Variants in SLC35A2 observed in about 807,000 individuals in gnomAD.
SLC35A2 encodes the protein UDP-galactose translocator.
A neutral mutation model predicts 17.3 loss-of-function variants in SLC35A2; 1 was observed. The observed-to-expected ratio is 0.06, with a 90% confidence interval of 0.02 to 0.27. The LOEUF is 0.27. Among genes scored for constraint, SLC35A2 ranks in the 10% least tolerant of loss-of-function variants. SLC35A2 has a pLI of 1.00. For missense variants in SLC35A2, 191 were observed against 339.3 expected (o/e 0.56, Z 3.43); for synonymous variants, 161 against 161.3 (o/e 1.00, Z 0.01).
chrX:48,906,814 C>T (rs1044288596), intron 2 of SLC35A2, among the ~76,000 whole-genome samples: 3 of 112,490 alleles, frequency 2.7e-5, no homozygotes, highest in Admixed American at 9.4e-5. Flanking sequence ...AGCCTACCTC[C>T]CTGGCAGAGA....
In SLC35A2 at chrX:48,910,650, A is replaced by G. The variant is rs1227491649; in HGVS notation, c.92-654T>C. Among the ~76,000 whole-genome samples, 4 of 111,070 alleles carry G rather than the reference A, an allele frequency of 3.6e-5. No individual in the cohort carries two copies. The Admixed American group carries it at 3.8e-4, about 11-fold the overall frequency. Reference sequence around the variant, plus strand: ...TTCCCTCACACTGAGAATGGCCTACATCCCATATGGAATGATCCTCCTCAT... The same window carrying G: ...TTCCCTCACACTGAGAATGGCCTACGTCCCATATGGAATGATCCTCCTCAT... On this transcript the variant is annotated intron_variant, in intron 1 of 4. Coordinates refer to ENST00000247138, the MANE Select transcript of SLC35A2 (RefSeq NM_005660.3).
At chrX:48,906,057 G>A (rs1305364821) in intron 3 of SLC35A2, 9 of 397,222 alleles carry the variant, frequency 2.3e-5, no homozygotes, top group Non-Finnish European at 2.6e-5. Context: ...AGGTAGCAGA[G>A]CTGAGATTTG....
intron 3 of SLC35A2, 105 bp from the exon 4 acceptor site, chrX:48,905,587 G>A: frequency 1.3e-6 from 1 of 787,326 alleles, no homozygotes; most frequent in Admixed American, 4.3e-5. Flanking sequence ...GGAGGGACAG[G>A]GTGGGGGGTA....
At chrX:48,909,682 A>G (rs1005983472) in intron 2 of SLC35A2, 132 bp downstream of exon 2, 11 of 563,146 alleles carry the variant, frequency 2.0e-5, no homozygotes, top group Non-Finnish European at 3.1e-5. Context: ...GCCGCTACGC[A>G]TAGCTGGAGT....
At chrX:48,908,571 C>T (rs1557043456) in intron 2 of SLC35A2, among the ~76,000 whole-genome samples, 1 of 111,616 alleles carries the variant, frequency 9.0e-6, no homozygotes, top group African/African-American at 3.3e-5. Context: ...AAAAAAATTC[C>T]GGGCAGGGGA....
intron 2 of SLC35A2, 105 bp from the exon 3 acceptor site, chrX:48,906,648 C>A: frequency 1.4e-6 from 1 of 705,969 alleles, no homozygotes; most frequent in Admixed American, 2.8e-5. Flanking sequence ...ATCCACCCTG[C>A]TGTCCAATCC....
chrX:48,909,266 C>CA (rs1469180160), intron 2 of SLC35A2, among the ~76,000 whole-genome samples: 1 of 112,298 alleles, frequency 8.9e-6, no homozygotes, highest in East Asian at 2.8e-4. Flanking sequence ...ACTAAAAATA[C>CA]AAAAAAATTA....
Position 48,909,899 on chromosome X carries a change from G to T in SLC35A2, c.189C>A (p.Asp63Glu). 3 of 1,210,421 alleles carry T rather than the reference G, an allele frequency of 2.5e-6. No individual in the cohort carries two copies. The highest frequency in any genetic ancestry group is 3.4e-6 in the Non-Finnish European group (3 of 894,639). ...CCACAGCAGTGGTGGCAAAGAAGCGGTCCCCTGGCAACGTGCGGGCGTAGC... is the reference window on the plus strand; with the variant it reads ...CCACAGCAGTGGTGGCAAAGAAGCGTTCCCCTGGCAACGTGCGGGCGTAGC... ...SIRYARTLPG[D>E]RFFATTAVVM... The change falls in exon 2 of 5, where the codon GAC (aspartate) becomes GAA (glutamate). Residue 63 changes from aspartate to glutamate, a missense_variant. By Grantham distance (45) the Asp-to-Glu change is conservative (BLOSUM62 2). Around this residue, in one of 2 missense-constraint regions of SLC35A2, gnomAD observed 164 missense variants for 315.3 expected, o/e 0.52. Coordinates refer to ENST00000247138, the MANE Select transcript of SLC35A2 (RefSeq NM_005660.3).
At chrX:48,905,530 C>T (rs782486167) in intron 3 of SLC35A2, 48 bp from the exon 4 acceptor site, 2 of 1,081,802 alleles carry the variant, frequency 1.8e-6, no homozygotes, top group Non-Finnish European at 2.4e-6. Context: ...TGGCCCCCAA[C>T]AGGTGCACAT....
intron 1 of SLC35A2, chrX:48,910,219 T>G (rs2063522366): frequency 2.7e-6 from 3 of 1,114,265 alleles, no homozygotes; most frequent in Admixed American, 2.6e-5. Context: ...GGCCCCACCC[T>G]GTCCCAGTCC....
At chrX:48,903,780 A>C (rs1557042267) in intron 4 of SLC35A2, 1 of 898,978 alleles carries the variant, frequency 1.1e-6, no homozygotes, top group Non-Finnish European at 1.4e-6. Flanking sequence ...GCACACACAC[A>C]CCCCGCCCCG....
At chrX:48,910,278 T>C in intron 1 of SLC35A2, 1 of 1,146,603 alleles carries the variant, frequency 8.7e-7, no homozygotes, top group Non-Finnish European at 1.2e-6. Context: ...AGGCAAACCC[T>C]GGCCACGCGC....
chrX:48,906,202 C>T (rs782137907), intron 3 of SLC35A2, 190 bp downstream of exon 3: 4 of 470,563 alleles, frequency 8.5e-6, no homozygotes, highest in Non-Finnish European at 1.5e-5. Context: ...CCTAGCATCT[C>T]AGTGAACAGG....
chrX:48,904,089 G>A (rs1158679675), intron 4 of SLC35A2: 5 of 761,012 alleles, frequency 6.6e-6, no homozygotes, highest in Non-Finnish European at 7.8e-6. Context: ...AAAACAAATG[G>A]CCCCTACCAC....
rs934788672 is a variant in SLC35A2 at position 48,904,406 on chromosome X, C to T, written c.1163+340G>A. The T allele has an allele frequency of 5.5e-6, 6 of 1,084,272 alleles. No homozygotes were observed. In the African/African-American group the frequency reaches 9.5e-5, roughly 17 times the overall value. 89.4% of individuals were successfully genotyped at this position (1,084,272 alleles called of 1,213,427 possible). ...CAGACGAGAAACCTCCAGAAGAGGG[C>T]ACAGGGTCGGGGAGGGAGCAGACAA... On this transcript the variant is annotated intron_variant, in intron 4 of 4. Coordinates refer to ENST00000247138, the MANE Select transcript of SLC35A2 (RefSeq NM_005660.3).
At position 48,905,320 on chromosome X, in the gene SLC35A2, G is replaced by C. The variant is rs2063482318; in HGVS notation, c.589C>G (p.Gln197Glu). The C allele has an allele frequency of 1.7e-6, 2 of 1,186,510 alleles. No homozygotes were observed. The highest frequency in any genetic ancestry group is 1.1e-6 in the Non-Finnish European group (1 of 882,627). Residue 197 changes from glutamine to glutamate, a missense_variant, in exon 4 of 5, where the codon CAG becomes GAG. This residue lies in a region of SLC35A2 where 164 missense variants were observed against 315.3 expected (regional missense o/e 0.52). Coordinates refer to ENST00000247138, the MANE Select transcript of SLC35A2 (RefSeq NM_005660.3). ...GCTGCCAGGCCTGCCCCAGGGTTCTGATCCAGTGGCCGTGGGCCTCCCCCA... is the reference window on the plus strand; with the variant it reads ...GCTGCCAGGCCTGCCCCAGGGTTCTCATCCAGTGGCCGTGGGCCTCCCCCA... Reference protein sequence around the residue: ...AGGGGPRPLDQNPGAGLAAVV... With the variant: ...AGGGGPRPLDENPGAGLAAVV...
At chrX:48,911,329 TCA>T (rs2147499640) in intron 1 of SLC35A2, 2 of 495,684 alleles carry the variant, frequency 4.0e-6, no homozygotes, top group East Asian at 7.4e-5. Context: ...CCCACCACAC[TCA>T]CAATGGTCTC....
chrX:48,909,934 G>C lies in SLC35A2; in HGVS notation c.154C>G (p.Leu52Val). ...AACGTGCGGGCGTAGCGGATGCTGA[G>C]GATGAGGGAGGCATTCTGGACCACC... is the stretch of plus-strand genomic sequence containing the variant. ...VLVVQNASLI[L>V]SIRYARTLPG... The change falls in exon 2 of 5, where the codon CTC becomes GTC. Residue 52 changes from leucine to valine, a missense_variant. Coordinates refer to ENST00000247138, the MANE Select transcript of SLC35A2 (RefSeq NM_005660.3). The C allele has an allele frequency of 8.3e-7, 1 of 1,210,294 alleles. No individual in the cohort carries two copies.
rs782174663 is a variant in SLC35A2, at chrX:48,909,926, G to A, written c.162C>T (p.Ile54=). The change falls in exon 2 of 5, where the codon ATC becomes ATT. Residue 54 remains isoleucine, a synonymous_variant. Transcript: ENST00000247138. ...VVQNASLILS[I]RYARTLPGDR... Reference sequence around the variant, plus strand: ...CCCCTGGCAACGTGCGGGCGTAGCGGATGCTGAGGATGAGGGAGGCATTCT... The same window carrying A: ...CCCCTGGCAACGTGCGGGCGTAGCGAATGCTGAGGATGAGGGAGGCATTCT... The A allele has an allele frequency of 8.3e-7, 1 of 1,209,958 alleles. No individual in the cohort carries two copies. Among genetic ancestry groups the A allele is most frequent in the South Asian group, 1.8e-5 (1 of 56,549 alleles).
Sources: allele counts gnomAD v4.1 joint callset (sites outside exome capture counted in the v4.1 genomes callset), GRCh38; gene constraint gnomAD v4.1.1; regional missense constraint gnomAD v4.1.1; transcripts MANE v1.5; gene names NCBI Gene and HGNC (gene_info 2026-07-23, HGNC 2026-07-21).